Variants in MAJIN observed in about 807,000 individuals in gnomAD.
The protein encoded by MAJIN is membrane anchored junction protein.
Under a neutral mutation model 30.2 loss-of-function variants are expected in MAJIN, and 27 were observed. The observed-to-expected ratio is 0.89, with a 90% CI of 0.66 to 1.23. The LOEUF (loss-of-function observed/expected upper bound fraction) is 1.23. Among genes scored for constraint, MAJIN ranks in the 50% most tolerant of loss-of-function variants. MAJIN has a pLI of 0.00. For missense variants in MAJIN, 253 were observed against 260.3 expected (o/e 0.97, Z 0.19); for synonymous variants, 78 against 91.6 (o/e 0.85, Z 0.85).
chr11:64,939,951 C>A, intron 9 of MAJIN, 184 bp from the exon 10 acceptor site: 1 of 510,454 alleles, frequency 2.0e-6, no homozygotes, highest in East Asian at 3.4e-5. Context: ...CTATTCTGAC[C>A]TCAGAGTATT....
At chr11:64,966,240 T>A (rs1945807861) in intron 1 of MAJIN, among the ~76,000 whole-genome samples, 1 of 149,310 alleles carries the variant, frequency 6.7e-6, no homozygotes, top group African/African-American at 2.5e-5. Context: ...AAAGCAATTT[T>A]AACAATTGAT....
chr11:64,949,947 C>T, intron 5 of MAJIN, 79 bp from the exon 6 acceptor site: 4 of 1,533,672 alleles, frequency 2.6e-6, no homozygotes, highest in Non-Finnish European at 2.7e-6. Flanking sequence ...GACTCTCTCT[C>T]CTTCCCCTGA....
At position 64,938,564 on chromosome 11, in the gene MAJIN, G is replaced by A. The variant is rs1326846004; in HGVS notation, c.*11C>T. On this transcript the variant is annotated 3_prime_UTR_variant, in exon 11 of 11. Transcript: ENST00000301896. Reference sequence around the variant, plus strand: ...TCTTCCTGAAGAAATATCGAAACGGGAAGAGAGAGCTGCAAGAATGAGAAC... The same window carrying A: ...TCTTCCTGAAGAAATATCGAAACGGAAAGAGAGAGCTGCAAGAATGAGAAC... The A allele has an allele frequency of 6.5e-7, 1 of 1,535,758 alleles. No homozygotes were observed. Among genetic ancestry groups the A allele is most frequent in the African/African-American group, 1.4e-5 (1 of 73,030 alleles).
intron 1 of MAJIN, among the ~76,000 whole-genome samples, chr11:64,962,989 TG>T (rs1481816805): frequency 6.6e-6 from 1 of 152,008 alleles, no homozygotes; most frequent in East Asian, 1.9e-4. Flanking sequence ...TGGCCGGGCG[TG>T]GTGGGGGGCA....
intron 1 of MAJIN, among the ~76,000 whole-genome samples, chr11:64,966,683 C>T (rs1449358390): frequency 6.6e-6 from 1 of 151,068 alleles, no homozygotes; most frequent in South Asian, 2.1e-4. Flanking sequence ...CTTGTAATCC[C>T]AGCACTCTGG....
rs374423060 is a variant in MAJIN, at chr11:64,948,070, A to G, written c.350-251T>C. Among the ~76,000 whole-genome samples the G allele has an allele frequency of 2.1e-4, 32 of 152,104 alleles. 1 individual carries two copies. The East Asian group carries it at 4.3e-3, about 20-fold the overall frequency. On this transcript the variant is annotated intron_variant, in intron 6 of 10. Coordinates refer to ENST00000301896, the MANE Select transcript of MAJIN (RefSeq NM_001037225.3). ...AGAGAGGGGTTTCACCACGTTGGCC[A>G]GGTTGGTCTCAAACTCCTGACCTCA...
At chr11:64,967,784 A>ATTACCATAT (rs1945835311) in intron 1 of MAJIN, among the ~76,000 whole-genome samples, 1 of 152,204 alleles carries the variant, frequency 6.6e-6, no homozygotes, top group Admixed American at 6.5e-5. Flanking sequence ...GTAAGTAACA[A>ATTACCATAT]GAGAGACATG....
intron 1 of MAJIN, among the ~76,000 whole-genome samples, chr11:64,966,671 G>A (rs1203570639): frequency 6.6e-6 from 1 of 151,600 alleles, no homozygotes. Context: ...AGTAGCTCAC[G>A]CCTTGTAATC....
intron 8 of MAJIN, among the ~76,000 whole-genome samples, chr11:64,945,180 AC>A (rs1456647461): frequency 1.3e-5 from 2 of 151,808 alleles, no homozygotes; most frequent in Non-Finnish European, 1.5e-5. Flanking sequence ...ACACGGTGAA[AC>A]CCCGTCTCTA....
At chr11:64,948,547 A>C (rs1945486194) in intron 6 of MAJIN, among the ~76,000 whole-genome samples, 1 of 125,380 alleles carries the variant, frequency 8.0e-6, no homozygotes, top group Admixed American at 9.6e-5. Context: ...CTCCTCCCTC[A>C]GCCTCCAGAG....
Position 64,956,648 on chromosome 11 carries a change from AC to A in MAJIN, c.102-1847del, listed in dbSNP as rs549339741. On this transcript the variant is annotated intron_variant, in intron 3 of 10. Coordinates refer to ENST00000301896, the MANE Select transcript of MAJIN (RefSeq NM_001037225.3). ...AAAAATAACTACCATTAAAAAAAAA[AC>A]AAACCCAAACTACGATTTGTCCAGT... Among the ~76,000 whole-genome samples, 7 of 152,172 alleles carry A rather than the reference AC, an allele frequency of 4.6e-5. No individual in the cohort carries two copies. In the South Asian group the frequency reaches 1.0e-3, roughly 23 times the overall value.
intron 8 of MAJIN, chr11:64,945,940 C>T (rs1413662009): frequency 9.6e-6 from 7 of 731,850 alleles, no homozygotes; most frequent in African/African-American, 5.4e-5. Flanking sequence ...ATTCTGCAGA[C>T]AGTGAAACCC....
chr11:64,946,234 A>G, intron 8 of MAJIN: 1 of 1,409,468 alleles, frequency 7.1e-7, no homozygotes, highest in Non-Finnish European at 9.5e-7. Flanking sequence ...GCCCAAATGA[A>G]TATTTCAGCA....
chr11:64,959,468 C>T, intron 2 of MAJIN, 46 bp from the exon 3 acceptor site: 1 of 1,504,270 alleles, frequency 6.6e-7, no homozygotes, highest in Non-Finnish European at 9.2e-7. Context: ...ACGATTGTTC[C>T]TTATTTACAG....
At chr11:64,947,532 G>A in intron 7 of MAJIN, 67 bp from the exon 8 acceptor site, 1 of 1,500,990 alleles carries the variant, frequency 6.7e-7, no homozygotes, top group Non-Finnish European at 9.2e-7. Context: ...TGAAGGCACA[G>A]TGAAGAAAAC....
intron 1 of MAJIN, among the ~76,000 whole-genome samples, chr11:64,968,941 C>G (rs1945854793): frequency 6.6e-6 from 1 of 151,972 alleles, no homozygotes; most frequent in Non-Finnish European, 1.5e-5. Context: ...AATAGGGAGA[C>G]CAGTTAAGAA....
chr11:64,949,780 A>G lies in MAJIN; in HGVS notation c.312T>C (p.Tyr104=), dbSNP rs374686374. ...TTTCATGGAACCATTTCATCTCCACATATAGAGTAAAAACAAATGGGTAGG... is the reference window on the plus strand; with the variant it reads ...TTTCATGGAACCATTTCATCTCCACGTATAGAGTAAAAACAAATGGGTAGG... ...LIPYPFVFTL[Y]VEMKWFHENL... Residue 104 remains tyrosine, a synonymous_variant, in exon 6 of 11, where the codon TAT becomes TAC. Transcript: ENST00000301896. 2 of 1,612,884 alleles carry G rather than the reference A, an allele frequency of 1.2e-6. No homozygotes were observed. The highest frequency in any genetic ancestry group is 1.7e-6 in the Non-Finnish European group (2 of 1,179,844).
intron 6 of MAJIN, among the ~76,000 whole-genome samples, chr11:64,948,714 G>T (rs7949212): frequency 1 from 122,256 of 122,298 alleles, 61,107 homozygotes; most frequent in Middle Eastern, 1. Flanking sequence ...TGGAGTGCAG[G>T]GGCGTGATCT....
rs58387921 is a variant in MAJIN at position 64,966,145 on chromosome 11, G to GAAAAAAAAAAAAAAAAAAAAAAAAAAAA, written c.-65+5731_-65+5732insTTTTTTTTTTTTTTTTTTTTTTTTTTTT. Among the ~76,000 whole-genome samples, 57 of 57,100 alleles carry GAAAAAAAAAAAAAAAAAAAAAAAAAAAA rather than the reference G, an allele frequency of 1.0e-3. 11 individuals carry two copies. The highest frequency in any genetic ancestry group is 1.3e-3 in the Non-Finnish European group (44 of 33,434). 37.5% of individuals were successfully genotyped at this position (57,100 alleles called of 152,430 possible). A position where few individuals can be genotyped will look rare whatever the true frequency, so the allele number is the denominator to read the frequency against. ...ACATGTAAGGAAGAAGATTAAAAAT[G>GAAAAAAAAAAAAAAAAAAAAAAAAAAAA]AAAAAAAAAAAAAAAAAAAAGCAGC... On this transcript the variant is annotated intron_variant, in intron 1 of 10. Coordinates refer to ENST00000301896, the MANE Select transcript of MAJIN (RefSeq NM_001037225.3).
Sources: gnomAD v4.1 joint callset for allele counts (sites outside exome capture counted in the v4.1 genomes callset) on GRCh38, gnomAD v4.1.1 for gene constraint, MANE v1.5 for transcripts, NCBI Gene and HGNC (gene_info 2026-07-23, HGNC 2026-07-21) for gene names.